CTIF: variants seen among roughly 807,000 people sequenced by gnomAD.
CTIF encodes cap binding complex dependent translation initiation factor, also known as CBP80/20-dependent translation initiation factor.
In CTIF, 21 loss-of-function variants were observed where a neutral mutation model predicts 66.0. That is an observed-to-expected ratio of 0.32 (90% CI 0.23 to 0.46). CTIF has a LOEUF of 0.46. Ranked by LOEUF, CTIF falls within the 20% of genes least tolerant of loss-of-function variation. CTIF has a pLI of 1.00. For missense variants in CTIF, 739 were observed against 812.7 expected, an observed-to-expected ratio of 0.91 and a Z score of 1.10; for synonymous variants, 345 against 326.4, an observed-to-expected ratio of 1.06 and a Z score of -0.62.
chr18:48,664,617 C>CCTGTGG, intron 5 of CTIF, 66 bp downstream of exon 5: 1 of 1,364,764 alleles, frequency 7.3e-7, no homozygotes, highest in Non-Finnish European at 1.0e-6. Context: ...CCTTTGCCTC[C>CCTGTGG]ACAGGGAGGC....
chr18:48,596,851 C>A (rs1427088798), intron 1 of CTIF, among the ~76,000 whole-genome samples: 1 of 152,174 alleles, frequency 6.6e-6, no homozygotes, highest in Non-Finnish European at 1.5e-5. Flanking sequence ...AGGGAGGCTG[C>A]AAAATGTAGT....
intron 1 of CTIF, among the ~76,000 whole-genome samples, chr18:48,547,556 G>A (rs1489822143): frequency 6.6e-6 from 1 of 152,198 alleles, no homozygotes; most frequent in Non-Finnish European, 1.5e-5. Flanking sequence ...TTATTGCCTT[G>A]GAGGCAGCGC....
At chr18:48,574,560 C>T (rs2089488541) in intron 1 of CTIF, among the ~76,000 whole-genome samples, 1 of 152,160 alleles carries the variant, frequency 6.6e-6, no homozygotes, top group African/African-American at 2.4e-5. Context: ...CCGCTTGGGA[C>T]CCTCCATTCT....
At chr18:48,563,663 G>A (rs939981648) in intron 1 of CTIF, among the ~76,000 whole-genome samples, 1 of 152,228 alleles carries the variant, frequency 6.6e-6, no homozygotes, top group South Asian at 2.1e-4. Flanking sequence ...GTAGAGACAG[G>A]GTTTGGCCAT....
At chr18:48,782,991 C>T (rs1911383642) in intron 9 of CTIF, among the ~76,000 whole-genome samples, 1 of 152,212 alleles carries the variant, frequency 6.6e-6, no homozygotes, top group African/African-American at 2.4e-5. Flanking sequence ...GGCCTGGCTT[C>T]CCAGAACACC....
At chr18:48,759,869 C>G (rs1376959197) in intron 8 of CTIF, among the ~76,000 whole-genome samples, 2 of 152,202 alleles carry the variant, frequency 1.3e-5, no homozygotes, top group African/African-American at 4.8e-5. Context: ...TCAGGTGAGG[C>G]CTCCTGAACT....
intron 9 of CTIF, among the ~76,000 whole-genome samples, chr18:48,808,880 G>A (rs1484488532): frequency 2.6e-5 from 4 of 151,996 alleles, no homozygotes; most frequent in African/African-American, 9.7e-5. Flanking sequence ...ATTACTTTTA[G>A]GATTATTTTT....
Position 48,761,326 on chromosome 18 carries a change from G to A in CTIF, c.1072-64G>A. On this transcript the variant is annotated intron_variant, in intron 8 of 11. Transcript: ENST00000256413. The surrounding 1 kb of genome is among the most constrained non-coding windows in gnomAD (Gnocchi z 4.2). ...GGGGGTGGCCACCCTCTTTCCACCA[G>A]GCCACCCCTGCACAGAGACCTCGGC... 6.5e-7 allele frequency: 1 copy of A among 1,529,220 alleles called. No homozygotes were observed. 94.7% of individuals were successfully genotyped at this position (1,529,220 alleles called of 1,614,324 possible).
intron 10 of CTIF, among the ~76,000 whole-genome samples, chr18:48,823,222 C>CAA (rs879628619): frequency 7.1e-6 from 1 of 140,712 alleles, no homozygotes; most frequent in African/African-American, 2.6e-5. Flanking sequence ...GAGTCATATC[C>CAA]AAAAAAAAAA....
rs9949424 is a variant in CTIF at position 48,695,268 on chromosome 18, C to G, written c.508-16351C>G. On this transcript the variant is annotated intron_variant, in intron 6 of 11. Coordinates refer to ENST00000256413, the MANE Select transcript of CTIF (RefSeq NM_014772.3). ...ACCCTTTCTGTAGCTTGTTTAAAGC[C>G]ACATTCATTATTCATTCATTCATTT... 1.8e-3 allele frequency among the ~76,000 whole-genome samples: 280 copies of G among 152,318 alleles called. 1 individual carries two copies. The highest frequency in any genetic ancestry group is 6.1e-3 in the African/African-American group (252 of 41,572).
chr18:48,846,030 A>G (rs2069064050), intron 10 of CTIF, among the ~76,000 whole-genome samples: 1 of 152,170 alleles, frequency 6.6e-6, no homozygotes, highest in African/African-American at 2.4e-5. Context: ...ATCTTTCTAA[A>G]CTACAGGTAT....
At chr18:48,729,926 C>G (rs1473149163) in intron 7 of CTIF, among the ~76,000 whole-genome samples, 1 of 152,224 alleles carries the variant, frequency 6.6e-6, no homozygotes, top group Non-Finnish European at 1.5e-5. Context: ...TCTTTCCAAT[C>G]CACCCAGATG....
intron 6 of CTIF, among the ~76,000 whole-genome samples, chr18:48,673,060 A>G (rs2091562323): frequency 6.6e-6 from 1 of 152,086 alleles, no homozygotes; most frequent in African/African-American, 2.4e-5. Flanking sequence ...TCAGATGCAC[A>G]GGATGGAGTC....
chr18:48,794,498 G>A (rs556523538), intron 9 of CTIF, among the ~76,000 whole-genome samples: 68 of 152,306 alleles, frequency 4.5e-4, no homozygotes, highest in Non-Finnish European at 8.1e-4. Flanking sequence ...GCTGGGCTAC[G>A]GCTGGTTCTC....
In CTIF at chr18:48,861,742, GT is replaced by G. The variant is rs1356067339; in HGVS notation, c.*2185del. On this transcript the variant is annotated 3_prime_UTR_variant, in exon 12 of 12. Coordinates refer to ENST00000256413, the MANE Select transcript of CTIF (RefSeq NM_014772.3). ...CGAAACACTGTGTGGAGGGGGCTGT[GT>G]TGTGGGCACCTTGGGGCCTGATTCT... 1 of 152,352 alleles carries G rather than the reference GT, an allele frequency of 6.6e-6. No individual in the cohort carries two copies. Among genetic ancestry groups the G allele is most frequent in the East Asian group, 1.9e-4 (1 of 5,198 alleles). 9.4% of individuals were successfully genotyped at this position (152,352 alleles called of 1,614,324 possible). A position where few individuals can be genotyped will look rare whatever the true frequency, so the allele number is the denominator to read the frequency against.
intron 10 of CTIF, among the ~76,000 whole-genome samples, chr18:48,822,423 A>G (rs1448415756): frequency 2.0e-5 from 3 of 152,082 alleles, no homozygotes; most frequent in Admixed American, 6.6e-5. Flanking sequence ...CTACTGTGCT[A>G]TCAAACATTA....
chr18:48,757,758 G>T (rs997733575), intron 7 of CTIF, among the ~76,000 whole-genome samples, 161 bp from the exon 8 acceptor site: 1 of 152,222 alleles, frequency 6.6e-6, no homozygotes, highest in Admixed American at 6.5e-5. Context: ...ATCCCCAGGG[G>T]CTGTCACAGA....
intron 9 of CTIF, among the ~76,000 whole-genome samples, chr18:48,802,371 G>A (rs1268209071): frequency 2.0e-5 from 3 of 152,348 alleles, no homozygotes; most frequent in East Asian, 1.9e-4. Flanking sequence ...GGGAATATCC[G>A]AATTCTGCAG....
intron 6 of CTIF, among the ~76,000 whole-genome samples, chr18:48,695,347 CAG>C (rs1258585345): frequency 1.1e-4 from 17 of 152,178 alleles, no homozygotes; most frequent in African/African-American, 4.1e-4. Context: ...CATTGCTGTG[CAG>C]AGTCATTATA....
Sources: gnomAD v4.1 joint callset for allele counts (sites outside exome capture counted in the v4.1 genomes callset) on GRCh38, gnomAD v4.1.1 for gene constraint, Gnocchi (gnomAD v3.1) non-coding constraint, MANE v1.5 for transcripts, NCBI Gene and HGNC (gene_info 2026-07-23, HGNC 2026-07-21) for gene names.